DZIP3: variants seen among roughly 807,000 people sequenced by gnomAD.
DZIP3 encodes DAZ interacting zinc finger protein 3.
In DZIP3, 118 loss-of-function variants were observed where a neutral mutation model predicts 162.0. The ratio of observed to expected loss-of-function variants is 0.73; its 90% CI spans 0.63 to 0.85. The LOEUF (loss-of-function observed/expected upper bound fraction) is 0.85, where lower values mean the gene tolerates loss of function less well. Among genes scored for constraint, DZIP3 ranks in the 40% least tolerant of loss-of-function variants. The pLI is 0.00. For missense variants in DZIP3, 1,331 were observed against 1,407.0 expected (o/e 0.95, Z 0.86); for synonymous variants, 438 against 458.6 (o/e 0.96, Z 0.57).
At chr3:108,589,517 A>G (rs1939246094), upstream of DZIP3, 3 of 577,518 alleles carry the variant, frequency 5.2e-6, no homozygotes, top group Non-Finnish European at 9.1e-6. Flanking sequence ...GGAAGTCCCT[A>G]GGCACCCTAG....
At chr3:108,594,807 A>G (rs1576334743) in intron 1 of DZIP3, among the ~76,000 whole-genome samples, 1 of 152,136 alleles carries the variant, frequency 6.6e-6, no homozygotes, top group Non-Finnish European at 1.5e-5. Flanking sequence ...GTATATTTTT[A>G]AATAAAAATC....
intron 24 of DZIP3, among the ~76,000 whole-genome samples, chr3:108,674,792 CA>C: frequency 6.6e-6 from 1 of 151,690 alleles, no homozygotes; most frequent in East Asian, 1.9e-4. Context: ...TGGGGTACAC[CA>C]AACTTAAAGA....
At chr3:108,639,405 T>C (rs763163194) in intron 12 of DZIP3, among the ~76,000 whole-genome samples, 9 of 152,232 alleles carry the variant, frequency 5.9e-5, no homozygotes, top group Non-Finnish European at 8.8e-5. Context: ...CTTTGAACAC[T>C]TTCTTGGGTG....
intron 5 of DZIP3, among the ~76,000 whole-genome samples, chr3:108,620,277 G>T (rs559957260): frequency 1.3e-5 from 2 of 152,298 alleles, no homozygotes; most frequent in Non-Finnish European, 2.9e-5. Context: ...GGTACCTGCT[G>T]CCTGGCATGT....
intron 21 of DZIP3, among the ~76,000 whole-genome samples, chr3:108,665,940 T>C (rs1943655539): frequency 6.6e-6 from 1 of 152,246 alleles, no homozygotes; most frequent in East Asian, 1.9e-4. Flanking sequence ...AATTCATATA[T>C]CTTACCGTTA....
Position 108,648,979 on chromosome 3 carries a change from G to C in DZIP3, c.2007+17G>C. On this transcript the variant is annotated intron_variant, in intron 17 of 32. Transcript: ENST00000361582. ...AATAAAAAGGTAAGAGACTATAATA[G>C]CATTATAATACTGATTATGAACACT... The C allele has an allele frequency of 2.6e-6, 3 of 1,132,902 alleles. No homozygotes were observed. The highest frequency in any genetic ancestry group is 3.5e-6 in the Non-Finnish European group (3 of 850,694). The allele number at this position is 1,132,902 out of a possible 1,614,324, so 70.2% of individuals were successfully genotyped here.
chr3:108,648,058 T>C lies in DZIP3; in HGVS notation c.1908T>C (p.Asp636=). The C allele has an allele frequency of 6.2e-7, 1 of 1,612,246 alleles. No individual in the cohort carries two copies. ...TACAGTTTGCAGAAATTAATAAAGA[T>C]GGGACCTCAATACCCAGTGAATCTT... The part of the protein sequence containing the change: ...PEIQFAEINK[D]GTSIPSESST... Residue 636 remains aspartate, a synonymous_variant, in exon 16 of 33, where the codon GAT becomes GAC. Transcript: ENST00000361582.
intron 17 of DZIP3, among the ~76,000 whole-genome samples, chr3:108,649,184 A>G (rs1200297950): frequency 6.6e-6 from 1 of 151,916 alleles, no homozygotes; most frequent in Admixed American, 6.6e-5. Context: ...TGTAATTTAT[A>G]TATTTGCATA....
chr3:108,632,357 G>A (rs1299101459), intron 8 of DZIP3, among the ~76,000 whole-genome samples: 3 of 152,098 alleles, frequency 2.0e-5, no homozygotes, highest in Non-Finnish European at 4.4e-5. Context: ...TCCCTGCCTT[G>A]ACCTCCCAAA....
In DZIP3 at chr3:108,677,494, C is replaced by T. The variant is rs771828302; in HGVS notation, c.2782-3C>T. ...TAAAGTATTTTTAGTCTTCTTCTAC[C>T]AGACACAGTACAATGAACAAATAAA... On this transcript the variant is annotated splice_polypyrimidine_tract_variant and splice_region_variant and intron_variant, in intron 25 of 32. Coordinates refer to ENST00000361582, the MANE Select transcript of DZIP3 (RefSeq NM_014648.4). 6.2e-7 allele frequency: 1 copy of T among 1,611,752 alleles called. No individual in the cohort carries two copies. The highest frequency in any genetic ancestry group is 1.1e-5 in the South Asian group (1 of 90,998).
intron 1 of DZIP3, among the ~76,000 whole-genome samples, chr3:108,594,457 T>A (rs1290405748): frequency 3.2e-5 from 4 of 123,166 alleles, no homozygotes; most frequent in South Asian, 2.9e-4. Context: ...ATATATAACT[T>A]TCAAGTTTGG....
At position 108,675,826 on chromosome 3, in the gene DZIP3, T is replaced by C. The variant is rs1220371136; in HGVS notation, c.2734T>C (p.Trp912Arg). The change falls in exon 25 of 33, where the codon TGG (tryptophan) becomes CGG (arginine). Residue 912 changes from tryptophan to arginine, a missense_variant. Trp to Arg is a moderately radical substitution (Grantham distance 101). This residue lies in a region of DZIP3 where 1,278 missense variants were observed against 1,317.1 expected (regional missense o/e 0.97). Coordinates refer to ENST00000361582, the MANE Select transcript of DZIP3 (RefSeq NM_014648.4). ...SLQLKAAVDS[W>R]NAIVADVRNK... ...TCAATTAAAGGCTGCGGTAGACAGT[T>C]GGAATGCCATTGTGGCAGATGTTAG... The C allele has an allele frequency of 6.2e-7, 1 of 1,610,410 alleles. No homozygotes were observed. Among genetic ancestry groups the C allele is most frequent in the African/African-American group, 1.3e-5 (1 of 74,700 alleles).
At chr3:108,617,316 G>C (rs1226359456) in intron 5 of DZIP3, among the ~76,000 whole-genome samples, 1 of 152,086 alleles carries the variant, frequency 6.6e-6, no homozygotes, top group Non-Finnish European at 1.5e-5. Context: ...TAATTAGCTT[G>C]AGTTAGTCAT....
chr3:108,646,347 C>T (rs1015052757), intron 14 of DZIP3, among the ~76,000 whole-genome samples: 1 of 152,126 alleles, frequency 6.6e-6, no homozygotes, highest in Non-Finnish European at 1.5e-5. Context: ...ATATTCGTTG[C>T]TTGGTTTAAA....
chr3:108,611,113 G>A (rs1940679525), intron 3 of DZIP3, 61 bp from the exon 4 acceptor site: 2 of 1,457,184 alleles, frequency 1.4e-6, no homozygotes, highest in Admixed American at 5.0e-5. Flanking sequence ...GCTGATCTTA[G>A]AATTAAGAGT....
chr3:108,649,695 T>TGTTA (rs1942780236), intron 17 of DZIP3, among the ~76,000 whole-genome samples: 1 of 151,866 alleles, frequency 6.6e-6, no homozygotes, highest in African/African-American at 2.4e-5. Context: ...GAGCCCATGT[T>TGTTA]GTTAGTCATT....
intron 22 of DZIP3, 72 bp from the exon 23 acceptor site, chr3:108,672,488 T>A: frequency 8.0e-7 from 1 of 1,245,858 alleles, no homozygotes; most frequent in Admixed American, 1.8e-5. Flanking sequence ...CTTATCTTTC[T>A]TCCTCCTGAA....
intron 4 of DZIP3, among the ~76,000 whole-genome samples, chr3:108,616,144 G>C (rs574062519): frequency 1.2e-3 from 180 of 152,122 alleles, no homozygotes; most frequent in African/African-American, 4.2e-3. Context: ...GGTGTCTGTA[G>C]TCCCAGATAC....
chr3:108,647,468 G>T (rs1942679943), intron 15 of DZIP3, among the ~76,000 whole-genome samples: 1 of 152,080 alleles, frequency 6.6e-6, no homozygotes, highest in South Asian at 2.1e-4. Context: ...AGTCTCTGGG[G>T]CAATATCAAG....
Sources: allele counts gnomAD v4.1 joint callset (sites outside exome capture counted in the v4.1 genomes callset), GRCh38; gene constraint gnomAD v4.1.1; regional missense constraint gnomAD v4.1.1; transcripts MANE v1.5; gene names NCBI Gene and HGNC (gene_info 2026-07-23, HGNC 2026-07-21).